Variants in PILRA observed in about 807,000 individuals in gnomAD.
PILRA encodes the protein paired immunoglobin like type 2 receptor alpha, also known as paired immunoglobulin-like type 2 receptor alpha.
PILRA carries 37 observed loss-of-function variants against 33.1 expected under a neutral mutation model. The observed-to-expected ratio is 1.12, with a 90% CI of 0.86 to 1.47. The LOEUF (loss-of-function observed/expected upper bound fraction) is 1.47, where lower values mean the gene tolerates loss of function less well. PILRA is among the 40% of genes most tolerant of loss of function. The probability of loss-of-function intolerance (pLI) is 0.00; values close to 1 mark genes in which losing one functional copy is unlikely to be tolerated. For synonymous variants in PILRA, 146 were observed against 149.9 expected (o/e 0.97, Z 0.19); for missense variants, 312 against 376.2 (o/e 0.83, Z 1.41).
Position 100,374,116 on chromosome 7 carries a change from G to A in PILRA, c.137G>A (p.Gly46Asp). 1 of 1,614,092 alleles carries A rather than the reference G, an allele frequency of 6.2e-7. No homozygotes were observed. Among genetic ancestry groups the A allele is most frequent in the Non-Finnish European group, 8.5e-7 (1 of 1,180,008 alleles). The change falls in exon 2 of 7, where the codon GGT (glycine) becomes GAT (aspartate). Residue 46 changes from glycine (G) to aspartate (D), a missense_variant. By Grantham distance (94) the Gly-to-Asp change is moderately conservative. Coordinates refer to ENST00000198536, the MANE Select transcript of PILRA (RefSeq NM_013439.3). ...TQPKHLSASM[G>D]GSVEIPFSFY... Reference sequence around the variant, plus strand: ...CCAAAACACCTCTCAGCCTCCATGGGTGGCTCTGTGGAAATCCCCTTCTCC... The same window carrying A: ...CCAAAACACCTCTCAGCCTCCATGGATGGCTCTGTGGAAATCCCCTTCTCC...
intron 2 of PILRA, among the ~76,000 whole-genome samples, chr7:100,384,223 G>T (rs977617024): frequency 1.3e-5 from 2 of 151,904 alleles, no homozygotes; most frequent in Admixed American, 6.6e-5. Context: ...CTGAGTGGGG[G>T]AAACGGAAGA....
At chr7:100,385,934 C>CTT (rs570383071) in intron 2 of PILRA, among the ~76,000 whole-genome samples, 1 of 142,322 alleles carries the variant, frequency 7.0e-6, no homozygotes. Context: ...CGGCCTATGT[C>CTT]TTTTTTTTTT....
chr7:100,399,262 A>AT lies in PILRA; in HGVS notation c.708-28dup, dbSNP rs762438881. ...TGTCTTAAAATGCCCAACCTCTAAC[A>AT]TATTTCCTGTCCTCTTGTTCCCATA... is the stretch of plus-strand genomic sequence containing the variant. On this transcript the variant is annotated intron_variant, in intron 4 of 6. Transcript: ENST00000198536. The AT allele has an allele frequency of 5.1e-6, 8 of 1,579,738 alleles. No homozygotes were observed. The South Asian group carries it at 7.8e-5, about 15-fold the overall frequency.
At chr7:100,378,656 A>G (rs1464303211) in intron 2 of PILRA, among the ~76,000 whole-genome samples, 1 of 150,496 alleles carries the variant, frequency 6.6e-6, no homozygotes, top group Non-Finnish European at 1.5e-5. Context: ...AGCTGAGATC[A>G]TGCAACTGCA....
upstream of PILRA, chr7:100,373,384 C>T (rs925209673): frequency 5.8e-5 from 33 of 573,860 alleles, no homozygotes; most frequent in Middle Eastern, 4.6e-4. Context: ...GGCAGGAGGA[C>T]GGGGACCGCG....
intron 2 of PILRA, among the ~76,000 whole-genome samples, chr7:100,384,219 G>C (rs1332379712): frequency 6.6e-6 from 1 of 151,948 alleles, no homozygotes; most frequent in Non-Finnish European, 1.5e-5. Context: ...TTTACTGAGT[G>C]GGGGAAACGG....
intron 2 of PILRA, among the ~76,000 whole-genome samples, chr7:100,382,710 T>C (rs1041299093): frequency 1.3e-5 from 2 of 151,888 alleles, no homozygotes; most frequent in African/African-American, 4.8e-5. Context: ...GGAAAGTTTC[T>C]TTTTTTTGCT....
chr7:100,380,208 A>G (rs940031246), intron 2 of PILRA, among the ~76,000 whole-genome samples: 2 of 152,170 alleles, frequency 1.3e-5, no homozygotes, highest in Admixed American at 6.5e-5. Context: ...ACCGGGGACT[A>G]TATCTTGGCC....
chr7:100,384,675 C>G (rs1791217021), intron 2 of PILRA, among the ~76,000 whole-genome samples: 1 of 152,106 alleles, frequency 6.6e-6, no homozygotes, highest in South Asian at 2.1e-4. Context: ...GTAGTCTCAG[C>G]TACTCAGGAG....
chr7:100,390,231 G>A (rs1308183567), intron 3 of PILRA, 125 bp downstream of exon 3: 7 of 796,774 alleles, frequency 8.8e-6, no homozygotes, highest in Admixed American at 2.2e-5. Flanking sequence ...CACCGAGGCC[G>A]ACTTCGTGGC....
chr7:100,378,863 C>T (rs1012983476), intron 2 of PILRA, among the ~76,000 whole-genome samples: 6 of 151,730 alleles, frequency 4.0e-5, no homozygotes, highest in Non-Finnish European at 7.4e-5. Flanking sequence ...GAGGTCAAGG[C>T]GGGTGGATCA....
At chr7:100,388,749 CAAAAAA>C (rs913179599) in intron 2 of PILRA, among the ~76,000 whole-genome samples, 8 of 12,828 alleles carry the variant, frequency 6.2e-4, no homozygotes, top group African/African-American at 1.6e-3. Flanking sequence ...GCCTCCGTCT[CAAAAAA>C]AAAAAAAAAA....
intron 2 of PILRA, among the ~76,000 whole-genome samples, chr7:100,388,820 A>AAGTATTT (rs1563120366): frequency 6.6e-6 from 1 of 151,342 alleles, no homozygotes; most frequent in Non-Finnish European, 1.5e-5. Context: ...AGCTAATATG[A>AAGTATTT]AGTATTTAGT....
In PILRA at chr7:100,390,099, A is replaced by T. The variant is rs762732170; in HGVS notation, c.666A>T (p.Arg222Ser). ...TGATCTGCCTCCTCAGGTGGAGGAG[A>T]AGGAAAGGTAAGTGCCCAGGACCCG... is the stretch of plus-strand genomic sequence containing the variant. The part of the protein sequence containing the change: ...LGLICLLRWR[R>S]RKGQQRTKAT... Residue 222 changes from arginine (R) to serine (S), a missense_variant, in exon 3 of 7, where the codon AGA becomes AGT. By Grantham distance (110) the Arg-to-Ser change is moderately radical. Transcript: ENST00000198536. The T allele has an allele frequency of 5.6e-6, 9 of 1,613,382 alleles. No homozygotes were observed. The highest frequency in any genetic ancestry group is 7.6e-6 in the Non-Finnish European group (9 of 1,179,660).
intron 2 of PILRA, among the ~76,000 whole-genome samples, chr7:100,381,732 G>A (rs1791100086): frequency 1.3e-5 from 2 of 152,226 alleles, no homozygotes; most frequent in Non-Finnish European, 2.9e-5. Flanking sequence ...TGTGGAGGGA[G>A]AGGCGCGGGC....
At chr7:100,387,095 T>C (rs1210302576) in intron 2 of PILRA, among the ~76,000 whole-genome samples, 1 of 152,234 alleles carries the variant, frequency 6.6e-6, no homozygotes, top group Non-Finnish European at 1.5e-5. Flanking sequence ...CGCCAGAGGC[T>C]GCAAATTTTT....
At chr7:100,387,015 A>T (rs1294286386) in intron 2 of PILRA, among the ~76,000 whole-genome samples, 2 of 152,252 alleles carry the variant, frequency 1.3e-5, no homozygotes, top group Non-Finnish European at 2.9e-5. Context: ...AAGCATGGAG[A>T]CCTTATGAAA....
chr7:100,395,593 A>G (rs1791478652), intron 3 of PILRA, among the ~76,000 whole-genome samples: 1 of 152,170 alleles, frequency 6.6e-6, no homozygotes, highest in African/African-American at 2.4e-5. Context: ...AAATAGACTA[A>G]GACAGTATAC....
chr7:100,396,010 GC>G (rs1791486261), intron 3 of PILRA, among the ~76,000 whole-genome samples: 1 of 152,110 alleles, frequency 6.6e-6, no homozygotes, highest in Non-Finnish European at 1.5e-5. Context: ...TGTAATCCCA[GC>G]TACTCAGGAG....
Sources: gnomAD v4.1 joint callset for allele counts (sites outside exome capture counted in the v4.1 genomes callset) on GRCh38, gnomAD v4.1.1 for gene constraint, MANE v1.5 for transcripts, NCBI Gene and HGNC (gene_info 2026-07-23, HGNC 2026-07-21) for gene names.